NCMAP: variants seen among roughly 807,000 people sequenced by gnomAD.
NCMAP encodes noncompact myelin-associated protein.
In NCMAP, 8 loss-of-function variants were observed where a neutral mutation model predicts 7.8. The ratio of observed to expected loss-of-function variants is 1.02; its 90% CI spans 0.60 to 1.84. The LOEUF (loss-of-function observed/expected upper bound fraction) is 1.84. Ranked by LOEUF, NCMAP falls within the 40% of genes most tolerant of loss-of-function variation. NCMAP has a pLI of 0.00. For missense variants in NCMAP, 112 were observed against 131.4 expected, an observed-to-expected ratio of 0.85 and a Z score of 0.72; for synonymous variants, 41 against 52.9, an observed-to-expected ratio of 0.78 and a Z score of 0.98.
chr1:24,562,976 G>C (rs1174479663), intron 1 of NCMAP, among the ~76,000 whole-genome samples: 1 of 122,040 alleles, frequency 8.2e-6, no homozygotes, highest in Non-Finnish European at 1.7e-5. Context: ...TGGCATCCCT[G>C]GGGGGGGACA....
In NCMAP at chr1:24,594,665, T is replaced by C. The variant is rs192447355; in HGVS notation, c.-7-759T>C. ...GCCCATTTTTCAAGGCATATTCAAC[T>C]GTATCTCTTCCATGAAATTGTTCCT... On this transcript the variant is annotated intron_variant, in intron 1 of 3. Transcript: ENST00000374392. Among the ~76,000 whole-genome samples the C allele has an allele frequency of 1.2e-4, 18 of 152,312 alleles. No individual in the cohort carries two copies. In the East Asian group the frequency reaches 3.3e-3, roughly 28 times the overall value.
intron 1 of NCMAP, among the ~76,000 whole-genome samples, chr1:24,567,534 T>G (rs1651262940): frequency 6.6e-6 from 1 of 152,184 alleles, no homozygotes; most frequent in Admixed American, 6.5e-5. Flanking sequence ...AGGCCTGGTC[T>G]ATACAGTAAG....
intron 3 of NCMAP, among the ~76,000 whole-genome samples, chr1:24,601,568 T>C (rs1458904411): frequency 6.6e-6 from 1 of 152,222 alleles, no homozygotes; most frequent in African/African-American, 2.4e-5. Flanking sequence ...ATTAAAAAAC[T>C]ATAAATAAAA....
intron 1 of NCMAP, among the ~76,000 whole-genome samples, chr1:24,561,209 C>T (rs1483773907): frequency 1.4e-5 from 2 of 143,710 alleles, no homozygotes; most frequent in Non-Finnish European, 3.0e-5. Context: ...TAGCTGGGCA[C>T]GGTGGCGAGC....
chr1:24,588,644 C>T (rs1177709239), intron 1 of NCMAP, among the ~76,000 whole-genome samples: 7 of 152,160 alleles, frequency 4.6e-5, no homozygotes, highest in South Asian at 2.1e-4. Context: ...AGGATGGATC[C>T]GTGAATAAAT....
At chr1:24,571,197 C>A (rs942737565) in intron 1 of NCMAP, among the ~76,000 whole-genome samples, 1 of 150,740 alleles carries the variant, frequency 6.6e-6, no homozygotes, top group African/African-American at 2.5e-5. Context: ...AAAAAGAAGG[C>A]TGGGCACGGT....
intron 1 of NCMAP, among the ~76,000 whole-genome samples, chr1:24,558,811 A>G (rs1365614924): frequency 6.6e-6 from 1 of 152,086 alleles, no homozygotes; most frequent in East Asian, 1.9e-4. Context: ...AGCTTTCCAC[A>G]CTCAGTAAGC....
At chr1:24,597,655 G>GAAAGAAAGAAAGAAAGAAAGAAAAGAA (rs1652297144) in intron 2 of NCMAP, among the ~76,000 whole-genome samples, 1 of 127,184 alleles carries the variant, frequency 7.9e-6, no homozygotes, top group Non-Finnish European at 1.7e-5. Context: ...AAGAAAGAAA[G>GAAAGAAAGAAAGAAAGAAAGAAAAGAA]AAAGAAAGAA....
chr1:24,576,123 C>T lies in NCMAP; in HGVS notation c.-7-19301C>T, dbSNP rs1651552403. Among the ~76,000 whole-genome samples, 1 of 152,052 alleles carries T rather than the reference C, an allele frequency of 6.6e-6. No individual in the cohort carries two copies. Among genetic ancestry groups the T allele is most frequent in the Admixed American group, 6.6e-5 (1 of 15,258 alleles). ...ATCCTCCACCCTCACCACTGCCACC[C>T]TGCACAGATGGCTCCCCTGCCTGTC... is the stretch of plus-strand genomic sequence containing the variant. On this transcript the variant is annotated intron_variant, in intron 1 of 3. Transcript: ENST00000374392. This position sits in a 1 kb window ranked among gnomAD's most constrained non-coding sequence, Gnocchi z 4.0.
chr1:24,592,079 C>T lies in NCMAP; in HGVS notation c.-7-3345C>T, dbSNP rs115692971. Among the ~76,000 whole-genome samples the T allele has an allele frequency of 4.0e-3, 602 of 152,330 alleles. 2 individuals are homozygous for T. Among genetic ancestry groups the T allele is most frequent in the African/African-American group, 0.014 (569 of 41,574 alleles). ...GGGCAGGGACTGGGGAGGCCAATGC[C>T]TGGGGCAGCCAGCCCAGAGGCAGCA... On this transcript the variant is annotated intron_variant, in intron 1 of 3. Coordinates refer to ENST00000374392, the MANE Select transcript of NCMAP (RefSeq NM_001010980.5).
At chr1:24,584,134 C>T (rs1173648859) in intron 1 of NCMAP, among the ~76,000 whole-genome samples, 2 of 152,152 alleles carry the variant, frequency 1.3e-5, no homozygotes, top group Admixed American at 6.6e-5. Context: ...CCTGTGCCCT[C>T]CCCCCGCCCC....
chr1:24,576,269 GAAGAA>G lies in NCMAP; in HGVS notation c.-7-19150_-7-19146del, dbSNP rs1288974133. Among the ~76,000 whole-genome samples, 2 of 152,208 alleles carry G rather than the reference GAAGAA, an allele frequency of 1.3e-5. No homozygotes were observed. Among genetic ancestry groups the G allele is most frequent in the Non-Finnish European group, 2.9e-5 (2 of 68,040 alleles). ...CTGGCACTGCTGCTTGAGAGGGTGG[GAAGAA>G]AAGACAGGCGGCAGGCCAAGACGAG... On this transcript the variant is annotated intron_variant, in intron 1 of 3. Coordinates refer to ENST00000374392, the MANE Select transcript of NCMAP (RefSeq NM_001010980.5). This position sits in a 1 kb window ranked among gnomAD's most constrained non-coding sequence, Gnocchi z 4.0.
intron 3 of NCMAP, among the ~76,000 whole-genome samples, chr1:24,603,397 T>C (rs913438551): frequency 6.6e-6 from 1 of 152,212 alleles, no homozygotes; most frequent in Non-Finnish European, 1.5e-5. Flanking sequence ...TATTACAATT[T>C]GGGTCTATCC....
At chr1:24,572,034 C>A (rs1359347440) in intron 1 of NCMAP, among the ~76,000 whole-genome samples, 1 of 150,866 alleles carries the variant, frequency 6.6e-6, no homozygotes, top group East Asian at 1.9e-4. Context: ...AGGGGCACCA[C>A]GCTGGACAGC....
intron 1 of NCMAP, among the ~76,000 whole-genome samples, chr1:24,565,835 C>G (rs1184858357): frequency 6.6e-6 from 1 of 152,080 alleles, no homozygotes; most frequent in Non-Finnish European, 1.5e-5. Context: ...TTTGTGTCCC[C>G]ACACAAATTT....
Position 24,583,939 on chromosome 1 carries a change from C to T in NCMAP, c.-7-11485C>T, listed in dbSNP as rs184509339. Among the ~76,000 whole-genome samples the T allele has an allele frequency of 3.9e-5, 6 of 152,246 alleles. No individual in the cohort carries two copies. The East Asian group carries it at 1.2e-3, about 29-fold the overall frequency. On this transcript the variant is annotated intron_variant, in intron 1 of 3. Transcript: ENST00000374392. ...ACCTCTCTGAGCCTCCGTTTCCTAT[C>T]AGCACAGTGGAGATGAAAAGACCTG...
intron 2 of NCMAP, 91 bp from the exon 3 acceptor site, chr1:24,600,849 C>T (rs1311110071): frequency 3.8e-6 from 4 of 1,049,160 alleles, no homozygotes; most frequent in Non-Finnish European, 6.0e-6. Flanking sequence ...CTCCCTTGAC[C>T]TAGTGAGGAT....
intron 1 of NCMAP, among the ~76,000 whole-genome samples, chr1:24,569,364 T>A (rs779672400): frequency 8.0e-5 from 12 of 150,464 alleles, no homozygotes; most frequent in Non-Finnish European, 1.6e-4. Context: ...TGCTGGGACC[T>A]TCACTCTCCC....
intron 1 of NCMAP, among the ~76,000 whole-genome samples, chr1:24,566,300 G>T (rs1201645399): frequency 1.3e-5 from 2 of 152,140 alleles, no homozygotes; most frequent in African/African-American, 2.4e-5. Flanking sequence ...ATATTCTAGT[G>T]GTCTAAGCAG....
Sources: allele counts gnomAD v4.1 joint callset (sites outside exome capture counted in the v4.1 genomes callset), GRCh38; gene constraint gnomAD v4.1.1; non-coding constraint Gnocchi (gnomAD v3.1); transcripts MANE v1.5; gene names NCBI Gene and HGNC (gene_info 2026-07-23, HGNC 2026-07-21).